LARP1B: variants seen among roughly 807,000 people sequenced by gnomAD.
The protein encoded by LARP1B is la-related protein 1B.
A neutral mutation model predicts 114.2 loss-of-function variants in LARP1B; 76 were observed. That is an observed-to-expected ratio of 0.67 (90% CI 0.55 to 0.81). LARP1B has a LOEUF of 0.81. LARP1B is among the 30% of genes least tolerant of loss of function. The probability of loss-of-function intolerance (pLI) is 0.00; values close to 1 mark genes in which losing one functional copy is unlikely to be tolerated. For missense variants in LARP1B, 1,014 were observed against 1,075.8 expected, an observed-to-expected ratio of 0.94 and a Z score of 0.80; for synonymous variants, 345 against 348.0, an observed-to-expected ratio of 0.99 and a Z score of 0.10.
At chr4:128,139,790 C>A (rs958980005) in intron 11 of LARP1B, among the ~76,000 whole-genome samples, 1 of 152,034 alleles carries the variant, frequency 6.6e-6, no homozygotes, top group Non-Finnish European at 1.5e-5. Flanking sequence ...GAAAATATTT[C>A]AATGAAATAG....
At chr4:128,170,872 C>CTTTTTTTTTTTTTTT (rs70966085) in intron 12 of LARP1B, among the ~76,000 whole-genome samples, 3 of 95,012 alleles carry the variant, frequency 3.2e-5, no homozygotes, top group Admixed American at 1.0e-4. Context: ...TTTTTCTTTT[C>CTTTTTTTTTTTTTTT]TTTTTTTTTT....
At chr4:128,092,231 G>T (rs1264733218) in intron 7 of LARP1B, among the ~76,000 whole-genome samples, 1 of 151,946 alleles carries the variant, frequency 6.6e-6, no homozygotes, top group African/African-American at 2.4e-5. Flanking sequence ...AAAAATGGTG[G>T]TATCTTTTGA....
chr4:128,086,438 C>G (rs1408459956), intron 5 of LARP1B, among the ~76,000 whole-genome samples: 2 of 152,120 alleles, frequency 1.3e-5, no homozygotes, highest in Non-Finnish European at 1.5e-5. Flanking sequence ...AAGCGATTCT[C>G]CTGTCTTAGC....
intron 11 of LARP1B, chr4:128,123,116 T>C (rs1788530321): frequency 1.0e-6 from 1 of 985,418 alleles, no homozygotes; most frequent in African/African-American, 1.7e-5. Flanking sequence ...GGGCTTCATA[T>C]CATCAACAAG....
Position 128,200,779 on chromosome 4 carries a change from T to C in LARP1B, c.2309+114T>C, listed in dbSNP as rs1185177881. On this transcript the variant is annotated intron_variant, in intron 17 of 19. Coordinates refer to ENST00000326639, the MANE Select transcript of LARP1B (RefSeq NM_018078.4). ...TTTAGAAAATAATTTTTAAAACTAG[T>C]ACTGAAGTAGCCTGATTTTGAACCG... 2.8e-5 allele frequency: 18 copies of C among 651,212 alleles called. No homozygotes were observed. The Admixed American group carries it at 4.6e-4, about 16-fold the overall frequency. The allele number at this position is 651,212 out of a possible 1,614,324, so 40.3% of individuals were successfully genotyped here. A position where few individuals can be genotyped will look rare whatever the true frequency, so the allele number is the denominator to read the frequency against.
chr4:128,096,018 G>A (rs1330441314), intron 7 of LARP1B, among the ~76,000 whole-genome samples: 1 of 143,134 alleles, frequency 7.0e-6, no homozygotes, highest in Non-Finnish European at 1.5e-5. Context: ...TTTTGAGACG[G>A]AGTCTCGCTC....
At chr4:128,203,324 T>C (rs13137866) in intron 17 of LARP1B, among the ~76,000 whole-genome samples, 75,727 of 131,688 alleles carry the variant, frequency 0.58, 22,513 homozygotes, top group Middle Eastern at 0.79. Flanking sequence ...CCTCTCTCCC[T>C]CCCTCCCTCC....
At chr4:128,081,019 A>AC (rs1553995610) in intron 4 of LARP1B, among the ~76,000 whole-genome samples, 1 of 150,840 alleles carries the variant, frequency 6.6e-6, no homozygotes, top group Non-Finnish European at 1.5e-5. Context: ...AATTAAACAG[A>AC]TTTTTTTTTA....
chr4:128,120,280 A>G (rs1283137956), intron 10 of LARP1B, among the ~76,000 whole-genome samples: 1 of 152,142 alleles, frequency 6.6e-6, no homozygotes, highest in Non-Finnish European at 1.5e-5. Context: ...TTTCCTAGAC[A>G]TAGGAAGTTA....
At chr4:128,186,255 A>G (rs55849105) in intron 15 of LARP1B, among the ~76,000 whole-genome samples, 89,066 of 151,890 alleles carry the variant, frequency 0.59, 27,383 homozygotes, top group Middle Eastern at 0.8. Flanking sequence ...AAGTTGCTGC[A>G]TAGTATTGAG....
intron 11 of LARP1B, among the ~76,000 whole-genome samples, chr4:128,150,473 T>A (rs563576871): frequency 9.2e-5 from 14 of 152,040 alleles, no homozygotes; most frequent in Admixed American, 7.9e-4. Context: ...TTTACTTTTT[T>A]GTGGAGACAG....
chr4:128,164,468 C>T (rs577477429), intron 12 of LARP1B, among the ~76,000 whole-genome samples: 1 of 152,064 alleles, frequency 6.6e-6, no homozygotes, highest in South Asian at 2.1e-4. Flanking sequence ...GAATTAATAT[C>T]ATAGAAATCT....
intron 11 of LARP1B, among the ~76,000 whole-genome samples, chr4:128,151,691 C>G (rs932479067): frequency 1.3e-5 from 2 of 152,036 alleles, no homozygotes; most frequent in Admixed American, 6.5e-5. Flanking sequence ...CAGGCTCTGC[C>G]TCCCGAGTTC....
intron 7 of LARP1B, among the ~76,000 whole-genome samples, chr4:128,220,828 T>TA (rs1298994418): frequency 6.6e-6 from 1 of 152,176 alleles, no homozygotes; most frequent in Non-Finnish European, 1.5e-5. Context: ...GGATCCTACC[T>TA]AAAACACGAT....
In LARP1B at chr4:128,107,225, T is replaced by C. The variant is rs1782420784; in HGVS notation, c.900T>C (p.Pro300=). ...CAGAAAAATGGCCAATTCCAGGCCC[T>C]CCTCCACGCAGTGTGCCACCAACAG... The part of the protein sequence containing the change: ...IEPEKWPIPG[P]PPRSVPPTDF... Residue 300 remains proline (P), a synonymous_variant, in exon 9 of 20, where the codon CCT becomes CCC. Transcript: ENST00000326639. 5 of 1,614,046 alleles carry C rather than the reference T, an allele frequency of 3.1e-6. No homozygotes were observed. Among genetic ancestry groups the C allele is most frequent in the South Asian group, 1.1e-5 (1 of 91,060 alleles).
At chr4:128,067,673 T>C (rs1763521670) in intron 1 of LARP1B, among the ~76,000 whole-genome samples, 1 of 151,894 alleles carries the variant, frequency 6.6e-6, no homozygotes, top group African/African-American at 2.4e-5. Context: ...CTCCCATCTG[T>C]GTCCTGACTT....
Position 128,200,443 on chromosome 4 carries a change from CA to C in LARP1B, c.2165-77del, listed in dbSNP as rs1755594972. 52 of 958,594 alleles carry C rather than the reference CA, an allele frequency of 5.4e-5. 1 individual carries two copies. The South Asian group carries it at 1.2e-3, about 22-fold the overall frequency. The allele number at this position is 958,594 out of a possible 1,614,324, so 59.4% of individuals were successfully genotyped here. A position where few individuals can be genotyped will look rare whatever the true frequency, so the allele number is the denominator to read the frequency against. ...AGGATTAATATGGTTGAGCTTTCTT[CA>C]TTTTATATATAACATCTGCTGTCTT... On this transcript the variant is annotated intron_variant, in intron 16 of 19. Coordinates refer to ENST00000326639, the MANE Select transcript of LARP1B (RefSeq NM_018078.4).
chr4:128,075,087 G>A (rs1767271825), intron 3 of LARP1B, 94 bp downstream of exon 3: 2 of 856,196 alleles, frequency 2.3e-6, no homozygotes, highest in Non-Finnish European at 3.8e-6. Context: ...GTAAAGAATT[G>A]TCATACTGGG....
At chr4:128,090,822 T>C (rs940006696) in intron 5 of LARP1B, among the ~76,000 whole-genome samples, 179 bp from the exon 6 acceptor site, 4 of 152,212 alleles carry the variant, frequency 2.6e-5, no homozygotes, top group Admixed American at 6.6e-5. Context: ...TGTTTTATGC[T>C]AGAGATATTT....
Sources: allele counts gnomAD v4.1 joint callset (sites outside exome capture counted in the v4.1 genomes callset), GRCh38; gene constraint gnomAD v4.1.1; transcripts MANE v1.5; gene names NCBI Gene and HGNC (gene_info 2026-07-23, HGNC 2026-07-21).